The following LRP1B variants were observed in gnomAD, a reference collection of about 807,000 sequenced individuals.
LRP1B encodes low-density lipoprotein receptor-related protein 1B.
A neutral mutation model predicts 556.6 loss-of-function variants in LRP1B; 217 were observed. The ratio of observed to expected loss-of-function variants is 0.39; its 90% CI spans 0.35 to 0.44. The LOEUF is 0.44. Among genes scored for constraint, LRP1B ranks in the 20% least tolerant of loss-of-function variants. LRP1B has a pLI of 1.00. For missense variants in LRP1B, 5,053 were observed against 5,620.8 expected (o/e 0.90, Z 3.23); for synonymous variants, 2,047 against 1,865.8 (o/e 1.10, Z -2.50).
chr2:140,667,176 C>T (rs1172188236), intron 41 of LRP1B, among the ~76,000 whole-genome samples: 1 of 152,120 alleles, frequency 6.6e-6, no homozygotes, highest in African/African-American at 2.4e-5. Context: ...ACTGTTACCT[C>T]CATGCCTGGG....
intron 2 of LRP1B, among the ~76,000 whole-genome samples, chr2:141,745,358 T>C (rs1475096443): frequency 6.6e-5 from 10 of 152,164 alleles, no homozygotes; most frequent in Admixed American, 6.5e-4. Context: ...CGGCATGCTC[T>C]ATTTTACTGC....
chr2:140,763,661 T>G (rs575365727), intron 35 of LRP1B, among the ~76,000 whole-genome samples: 1 of 152,186 alleles, frequency 6.6e-6, no homozygotes, highest in Non-Finnish European at 1.5e-5. Flanking sequence ...AATAGGGGCT[T>G]GTTTTCATGT....
intron 27 of LRP1B, among the ~76,000 whole-genome samples, chr2:140,852,932 C>T (rs973421492): frequency 5.9e-5 from 9 of 151,572 alleles, no homozygotes; most frequent in Admixed American, 1.3e-4. Context: ...AACTAGGCTA[C>T]GAAATTGAAG....
intron 1 of LRP1B, among the ~76,000 whole-genome samples, chr2:141,924,133 C>G (rs1700272843): frequency 2.0e-5 from 3 of 151,838 alleles, no homozygotes; most frequent in Non-Finnish European, 4.4e-5. Context: ...GCCCCACTAT[C>G]CCGTACCCAT....
chr2:140,854,272 C>A (rs954089948), intron 27 of LRP1B, among the ~76,000 whole-genome samples: 2 of 151,912 alleles, frequency 1.3e-5, no homozygotes, highest in African/African-American at 4.8e-5. Context: ...TCATACCAAC[C>A]CTTAACACCC....
intron 66 of LRP1B, among the ~76,000 whole-genome samples, chr2:140,408,075 G>A (rs1274684022): frequency 1.3e-5 from 2 of 151,984 alleles, no homozygotes; most frequent in Non-Finnish European, 2.9e-5. Context: ...AAGTAACTCA[G>A]TAATGGAAAA....
intron 77 of LRP1B, among the ~76,000 whole-genome samples, chr2:140,346,629 T>C (rs1368727091): frequency 1.3e-5 from 2 of 151,920 alleles, no homozygotes; most frequent in African/African-American, 2.4e-5. Flanking sequence ...TTTTAAGTGT[T>C]TGCCAAGACT....
chr2:141,301,522 A>G (rs1313197973), intron 3 of LRP1B, among the ~76,000 whole-genome samples: 1 of 152,232 alleles, frequency 6.6e-6, no homozygotes, highest in Non-Finnish European at 1.5e-5. Flanking sequence ...CATAGTAAAT[A>G]GAGTGTCTCA....
intron 31 of LRP1B, among the ~76,000 whole-genome samples, chr2:140,817,609 T>A (rs920731915): frequency 2.6e-5 from 4 of 151,928 alleles, no homozygotes; most frequent in African/African-American, 4.8e-5. Context: ...TAAATATTTT[T>A]AAAATAATGT....
chr2:140,241,254 G>A (rs1438375948), intron 87 of LRP1B, among the ~76,000 whole-genome samples: 1 of 150,684 alleles, frequency 6.6e-6, no homozygotes, highest in African/African-American at 2.4e-5. Flanking sequence ...CAGCTTGGAT[G>A]GTAATTAACA....
intron 21 of LRP1B, among the ~76,000 whole-genome samples, chr2:140,911,642 A>T (rs1046422211): frequency 1.3e-5 from 2 of 151,834 alleles, no homozygotes; most frequent in Non-Finnish European, 3.0e-5. Context: ...AGAAAAGATC[A>T]ATGCATAATA....
intron 6 of LRP1B, among the ~76,000 whole-genome samples, chr2:141,200,139 G>A (rs756265141): frequency 4.6e-5 from 7 of 152,074 alleles, no homozygotes; most frequent in Non-Finnish European, 1.0e-4. Context: ...GTTAATTGCC[G>A]AACTATTCAC....
At chr2:140,679,239 C>T (rs1405274540) in intron 41 of LRP1B, among the ~76,000 whole-genome samples, 2 of 152,204 alleles carry the variant, frequency 1.3e-5, no homozygotes, top group African/African-American at 2.4e-5. Flanking sequence ...AATTACCTTG[C>T]TAAAGGCCCT....
rs1680579289 is a variant in LRP1B, at chr2:140,233,905, T to A, written c.13660-579A>T. On this transcript the variant is annotated intron_variant, in intron 90 of 90. Transcript: ENST00000389484. ...TTTGGACTTTTTCAAAGAATTGTGATGTACACAGTCATCTTAAGTTTCACA... is the reference window on the plus strand; with the variant it reads ...TTTGGACTTTTTCAAAGAATTGTGAAGTACACAGTCATCTTAAGTTTCACA... Among the ~76,000 whole-genome samples, 3 of 151,370 alleles carry A rather than the reference T, an allele frequency of 2.0e-5. No individual in the cohort carries two copies. The South Asian group carries it at 6.2e-4, about 31-fold the overall frequency.
chr2:141,441,080 A>T (rs1168286240), intron 3 of LRP1B, among the ~76,000 whole-genome samples: 15 of 148,904 alleles, frequency 1.0e-4, no homozygotes, highest in African/African-American at 3.5e-4. Context: ...TTTATTTTTT[A>T]TTTTATTTTT....
Position 141,102,548 on chromosome 2 carries a change from T to C in LRP1B, c.1014-40275A>G, listed in dbSNP as rs141195786. ...CTCAGAAATCTTATCAGATTCTCCC[T>C]GTTGTCCACAACTGGTGCAAATACG... On this transcript the variant is annotated intron_variant, in intron 7 of 90. Coordinates refer to ENST00000389484, the MANE Select transcript of LRP1B (RefSeq NM_018557.3). 3.2e-4 allele frequency among the ~76,000 whole-genome samples: 49 copies of C among 152,210 alleles called. No individual in the cohort carries two copies. The East Asian group carries it at 8.5e-3, about 26-fold the overall frequency.
chr2:141,432,928 C>A (rs1680617619), intron 3 of LRP1B, among the ~76,000 whole-genome samples: 1 of 151,924 alleles, frequency 6.6e-6, no homozygotes, highest in African/African-American at 2.4e-5. Flanking sequence ...CTTCCTACTG[C>A]TAACTTTAAG....
chr2:141,989,733 TTCTC>T (rs1702290613), intron 1 of LRP1B, among the ~76,000 whole-genome samples: 1 of 152,050 alleles, frequency 6.6e-6, no homozygotes, highest in South Asian at 2.1e-4. Context: ...ACTCAGCACT[TTCTC>T]TCTTGCTGCC....
chr2:140,702,344 A>C (rs1686678275), intron 38 of LRP1B, 52 bp from the exon 39 acceptor site: 1 of 1,604,938 alleles, frequency 6.2e-7, no homozygotes, highest in South Asian at 1.1e-5. Context: ...TTGTTTTATT[A>C]AGAAAATAAA....
Sources: allele counts gnomAD v4.1 joint callset (sites outside exome capture counted in the v4.1 genomes callset), GRCh38; gene constraint gnomAD v4.1.1; transcripts MANE v1.5; gene names NCBI Gene and HGNC (gene_info 2026-07-23, HGNC 2026-07-21).